Variants in NEBL observed in about 807,000 individuals in gnomAD.
The protein encoded by NEBL is nebulette, also known as LIM and SH3 protein 2.
Under a neutral mutation model 140.2 loss-of-function variants are expected in NEBL, and 122 were observed. The ratio of observed to expected loss-of-function variants is 0.87; its 90% CI spans 0.75 to 1.01. NEBL has a LOEUF of 1.01. NEBL is among the 50% of genes least tolerant of loss of function. The pLI is 0.00. For missense variants in NEBL, 1,365 were observed against 1,231.3 expected (o/e 1.11, Z -1.62); for synonymous variants, 436 against 398.9 (o/e 1.09, Z -1.11).
At chr10:20,885,335 C>T (rs1483941697) in intron 4 of NEBL, among the ~76,000 whole-genome samples, 1 of 152,178 alleles carries the variant, frequency 6.6e-6, no homozygotes, top group Non-Finnish European at 1.5e-5. Context: ...AATGTTATGA[C>T]AGTTACATAA....
intron 19 of NEBL, among the ~76,000 whole-genome samples, chr10:20,821,444 T>C (rs1157575206): frequency 6.6e-6 from 1 of 152,146 alleles, no homozygotes; most frequent in Non-Finnish European, 1.5e-5. Context: ...TTATCCAAAT[T>C]TCCCAAATTT....
chr10:21,007,267 G>A (rs1180431684), intron 3 of NEBL, among the ~76,000 whole-genome samples: 1 of 152,168 alleles, frequency 6.6e-6, no homozygotes, highest in Non-Finnish European at 1.5e-5. Flanking sequence ...AGCTGGCAGG[G>A]CTGGGCCAAA....
At position 20,826,486 on chromosome 10, in the gene NEBL, C is replaced by A. The variant is rs771414597; in HGVS notation, c.1830G>T (p.Glu610Asp). 6.2e-7 allele frequency: 1 copy of A among 1,613,084 alleles called. No individual in the cohort carries two copies. The highest frequency in any genetic ancestry group is 8.5e-7 in the Non-Finnish European group (1 of 1,179,332). ...GAGTAVKDSP[E>D]IERVKKNQQN... ...GCTGATTTTTCTTCACTCGTTCGAT[C>A]TCTGGGCTATCTTTCACTGCAGTGC... Residue 610 changes from glutamate to aspartate, a missense_variant, in exon 18 of 28, where the codon GAG becomes GAT. By Grantham distance (45) the Glu-to-Asp change is conservative. Around this residue, in one of 2 missense-constraint regions of NEBL, gnomAD observed 1,323 missense variants for 1,154.8 expected, o/e 1.15. Coordinates refer to ENST00000377122, the MANE Select transcript of NEBL (RefSeq NM_006393.3).
chr10:20,998,708 A>G (rs888364747), intron 3 of NEBL, among the ~76,000 whole-genome samples: 2 of 152,224 alleles, frequency 1.3e-5, no homozygotes, highest in African/African-American at 4.8e-5. Flanking sequence ...TCCAATCTGC[A>G]TATTACATTA....
At chr10:21,104,818 A>C (rs552311880) in intron 2 of NEBL, among the ~76,000 whole-genome samples, 11 of 152,268 alleles carry the variant, frequency 7.2e-5, no homozygotes, top group African/African-American at 2.4e-4. Context: ...TCAGGGGAAA[A>C]CTTTCTGTCT....
At chr10:21,094,782 T>A (rs1837103984) in intron 2 of NEBL, among the ~76,000 whole-genome samples, 3 of 152,134 alleles carry the variant, frequency 2.0e-5, no homozygotes, top group African/African-American at 2.4e-5. Context: ...CAAAGCAAGG[T>A]CACCTCTTTG....
intron 3 of NEBL, among the ~76,000 whole-genome samples, chr10:21,194,023 A>G (rs769920637): frequency 6.6e-6 from 1 of 152,164 alleles, no homozygotes; most frequent in Non-Finnish European, 1.5e-5. Flanking sequence ...TGCCCAAGCT[A>G]GAGTACAGTA....
At chr10:21,051,111 T>A (rs1337722467) in intron 2 of NEBL, among the ~76,000 whole-genome samples, 1 of 152,082 alleles carries the variant, frequency 6.6e-6, no homozygotes, top group Non-Finnish European at 1.5e-5. Flanking sequence ...TAAAGCACCA[T>A]CCCTGATGTC....
intron 2 of NEBL, among the ~76,000 whole-genome samples, chr10:21,117,512 G>A (rs1450534494): frequency 2.6e-5 from 4 of 152,084 alleles, no homozygotes; most frequent in Admixed American, 2.0e-4. Context: ...AATATAATAC[G>A]TTATTCCTGT....
chr10:21,252,272 AT>A (rs1315039041), intron 1 of NEBL, among the ~76,000 whole-genome samples: 2 of 152,202 alleles, frequency 1.3e-5, no homozygotes, highest in African/African-American at 2.4e-5. Flanking sequence ...TCTTTTTGCA[AT>A]TGTGTGTAAT....
At chr10:21,193,465 C>T (rs897211512) in intron 3 of NEBL, among the ~76,000 whole-genome samples, 8 of 152,124 alleles carry the variant, frequency 5.3e-5, no homozygotes, top group South Asian at 2.1e-4. Flanking sequence ...TCATCACCCA[C>T]GCTTGGATGA....
At chr10:20,944,822 G>C (rs1835077243) in intron 4 of NEBL, among the ~76,000 whole-genome samples, 1 of 152,084 alleles carries the variant, frequency 6.6e-6, no homozygotes, top group Non-Finnish European at 1.5e-5. Flanking sequence ...AATCATAATT[G>C]TTTCCCTTTT....
chr10:21,226,505 C>T (rs915745101), intron 3 of NEBL, among the ~76,000 whole-genome samples: 1 of 152,170 alleles, frequency 6.6e-6, no homozygotes, highest in African/African-American at 2.4e-5. Flanking sequence ...TTTAGAGCCC[C>T]AGAGCACTTT....
At position 20,932,275 on chromosome 10, in the gene NEBL, T is replaced by C. The variant is rs536140187; in HGVS notation, c.357+29397A>G. 3.3e-5 allele frequency among the ~76,000 whole-genome samples: 5 copies of C among 152,282 alleles called. No homozygotes were observed. In the South Asian group the frequency reaches 1.0e-3, roughly 32 times the overall value. On this transcript the variant is annotated intron_variant, in intron 4 of 6. Coordinates refer to the NEBL transcript ENST00000417816. ...TGAGTTCATGTCCTTTGCAGGGACATGGATGAAGCTGGAAGCCATCATTCT... is the reference window on the plus strand; with the variant it reads ...TGAGTTCATGTCCTTTGCAGGGACACGGATGAAGCTGGAAGCCATCATTCT...
intron 17 of NEBL, among the ~76,000 whole-genome samples, 174 bp downstream of exon 17, chr10:20,828,356 A>G (rs1158293346): frequency 6.6e-6 from 1 of 152,174 alleles, no homozygotes; most frequent in African/African-American, 2.4e-5. Flanking sequence ...ATAATGAAAA[A>G]TGATAATTTG....
chr10:21,213,242 A>G (rs954441325), intron 3 of NEBL, among the ~76,000 whole-genome samples: 6 of 152,230 alleles, frequency 3.9e-5, no homozygotes, highest in Non-Finnish European at 5.9e-5. Context: ...TTGATGGTTC[A>G]GTTTCCTTGA....
chr10:20,805,653 G>T (rs1018247596), intron 26 of NEBL, among the ~76,000 whole-genome samples: 4 of 152,112 alleles, frequency 2.6e-5, no homozygotes, highest in African/African-American at 9.7e-5. Context: ...TGGAGTTCAA[G>T]ACCAGCCTGG....
At chr10:21,006,639 C>T (rs1838150321) in intron 3 of NEBL, among the ~76,000 whole-genome samples, 2 of 152,150 alleles carry the variant, frequency 1.3e-5, no homozygotes, top group Admixed American at 6.5e-5. Flanking sequence ...AGCAGGCTAC[C>T]ATAACTTTTC....
chr10:21,239,419 T>C (rs61851511), intron 3 of NEBL, among the ~76,000 whole-genome samples: 9,415 of 152,148 alleles, frequency 0.062, 391 homozygotes, highest in Non-Finnish European at 0.097. Flanking sequence ...GGGAAACAGA[T>C]ACCCTGAAAT....
Sources: gnomAD v4.1 joint callset for allele counts (sites outside exome capture counted in the v4.1 genomes callset) on GRCh38, gnomAD v4.1.1 for gene constraint, gnomAD v4.1.1 regional missense constraint, MANE v1.5 for transcripts, NCBI Gene and HGNC (gene_info 2026-07-23, HGNC 2026-07-21) for gene names.